CPNE8: variants seen among roughly 807,000 people sequenced by gnomAD.
CPNE8 encodes copine 8.
In CPNE8, 45 loss-of-function variants were observed where a neutral mutation model predicts 81.5. That is an observed-to-expected ratio of 0.55 (90% CI 0.44 to 0.71). The LOEUF (loss-of-function observed/expected upper bound fraction) is 0.71. Ranked by LOEUF, CPNE8 falls within the 30% of genes least tolerant of loss-of-function variation. The pLI is 0.00. For missense variants in CPNE8, 594 were observed against 672.1 expected (o/e 0.88, Z 1.28); for synonymous variants, 252 against 226.3 (o/e 1.11, Z -1.02).
intron 6 of CPNE8, among the ~76,000 whole-genome samples, chr12:38,780,132 A>G (rs542805820): frequency 6.6e-6 from 1 of 152,134 alleles, no homozygotes; most frequent in Admixed American, 6.5e-5. Context: ...TTGCATGTGG[A>G]AGTCTAGTTT....
rs1944039253 is a variant in CPNE8 at position 38,874,463 on chromosome 12, A to G, written c.139+8T>C. ...TGATTTTTCAAAAGGCAAGCAATAC[A>G]TACTTACTTGGATCAGATTTAGAAA... On this transcript the variant is annotated splice_region_variant and intron_variant, in intron 2 of 19. Transcript: ENST00000331366. The G allele has an allele frequency of 6.3e-7, 1 of 1,597,214 alleles. No homozygotes were observed. Among genetic ancestry groups the G allele is most frequent in the South Asian group, 1.1e-5 (1 of 89,978 alleles).
Position 38,840,026 on chromosome 12 carries a change from A to G in CPNE8, c.291-71T>C, listed in dbSNP as rs955536780. The G allele has an allele frequency of 5.9e-6, 8 of 1,364,750 alleles. No individual in the cohort carries two copies. In the East Asian group the frequency reaches 7.3e-5, roughly 13 times the overall value. The allele number at this position is 1,364,750 out of a possible 1,614,324, so 84.5% of individuals were successfully genotyped here. A position where few individuals can be genotyped will look rare whatever the true frequency, so the allele number is the denominator to read the frequency against. On this transcript the variant is annotated intron_variant, in intron 4 of 19. Transcript: ENST00000331366. ...GCTAGAAAAAAAACCAGTATTTTCC[A>G]AAACACATAAATAATATAAAAATGA... is the stretch of plus-strand genomic sequence containing the variant.
chr12:38,673,255 G>C (rs948930322), intron 18 of CPNE8, among the ~76,000 whole-genome samples: 1 of 152,158 alleles, frequency 6.6e-6, no homozygotes, highest in Non-Finnish European at 1.5e-5. Flanking sequence ...GGAACTGTGA[G>C]TCAATTAGAC....
At chr12:38,875,550 G>A (rs1385099221) in intron 1 of CPNE8, among the ~76,000 whole-genome samples, 3 of 152,074 alleles carry the variant, frequency 2.0e-5, no homozygotes, top group African/African-American at 4.8e-5. Flanking sequence ...CTATTCATGT[G>A]CATTTATTTG....
chr12:38,760,765 A>C lies in CPNE8; in HGVS notation c.722+82T>G, dbSNP rs187264761. On this transcript the variant is annotated intron_variant, in intron 10 of 19. Transcript: ENST00000331366. ...AACAAATATGCCATCTAAAAATTAC[A>C]ATTTAAAAATGTGGTCATTTCAATG... is the stretch of plus-strand genomic sequence containing the variant. 1.5e-4 allele frequency: 156 copies of C among 1,075,420 alleles called. 2 individuals are homozygous for C. In the Admixed American group the frequency reaches 3.1e-3, roughly 21 times the overall value. The allele number at this position is 1,075,420 out of a possible 1,614,324, so 66.6% of individuals were successfully genotyped here. A position where few individuals can be genotyped will look rare whatever the true frequency, so the allele number is the denominator to read the frequency against.
Position 38,677,565 on chromosome 12 carries a change from A to C in CPNE8, c.1272-11T>G, listed in dbSNP as rs745997300. ...ACAGAAGAAGCATATCTGAAAGGCA[A>C]CGAAAAGGTAAGGAAAGTAAAACAG... On this transcript the variant is annotated splice_polypyrimidine_tract_variant and intron_variant, in intron 16 of 19. Coordinates refer to ENST00000331366, the MANE Select transcript of CPNE8 (RefSeq NM_153634.3). 1 of 1,531,444 alleles carries C rather than the reference A, an allele frequency of 6.5e-7. No homozygotes were observed. The highest frequency in any genetic ancestry group is 9.0e-7 in the Non-Finnish European group (1 of 1,106,188). The allele number at this position is 1,531,444 out of a possible 1,614,324, so 94.9% of individuals were successfully genotyped here.
In CPNE8 at chr12:38,656,113, C is replaced by CA. The variant is rs920504418; in HGVS notation, c.1507-2044dup. Among the ~76,000 whole-genome samples the CA allele has an allele frequency of 4.3e-5, 6 of 139,404 alleles. No homozygotes were observed. In the East Asian group the frequency reaches 8.7e-4, roughly 20 times the overall value. The allele number at this position is 139,404 out of a possible 152,430, so 91.5% of individuals were successfully genotyped here. A position where few individuals can be genotyped will look rare whatever the true frequency, so the allele number is the denominator to read the frequency against. On this transcript the variant is annotated intron_variant, in intron 19 of 19. Coordinates refer to ENST00000331366, the MANE Select transcript of CPNE8 (RefSeq NM_153634.3). The stretch of plus-strand genomic sequence containing the variant: ...AAAAATCAAAGAGGTAAAAAAAAAA[C>CA]AAAAAACAAAAAAAACAAATTGAGG...
In CPNE8 at chr12:38,811,239, C is replaced by T. The variant is rs1485643233; in HGVS notation, c.407+18140G>A. 2.0e-5 allele frequency among the ~76,000 whole-genome samples: 3 copies of T among 151,492 alleles called. No homozygotes were observed. In the East Asian group the frequency reaches 5.8e-4, roughly 29 times the overall value. On this transcript the variant is annotated intron_variant, in intron 6 of 19. Transcript: ENST00000331366. ...TATATAAAAAAAAACCTAAAAACTA[C>T]TAAAAAAGCCTATCAACTTGATGTT...
intron 13 of CPNE8, chr12:38,721,353 C>T (rs1280385318): frequency 3.3e-5 from 5 of 152,888 alleles, no homozygotes; most frequent in African/African-American, 1.2e-4. Context: ...ACTCCAAGGC[C>T]TCCTATCTGG....
chr12:38,763,062 T>C (rs910466732), intron 8 of CPNE8, among the ~76,000 whole-genome samples: 1 of 152,198 alleles, frequency 6.6e-6, no homozygotes. Flanking sequence ...TTGCACCATC[T>C]TGGCCCAGCT....
intron 6 of CPNE8, among the ~76,000 whole-genome samples, chr12:38,825,157 A>G (rs925107976): frequency 2.0e-5 from 3 of 152,178 alleles, no homozygotes; most frequent in Non-Finnish European, 4.4e-5. Flanking sequence ...CTACTCTTAC[A>G]TATTCATGTG....
chr12:38,712,928 A>G (rs1369015481), intron 13 of CPNE8, among the ~76,000 whole-genome samples: 6 of 152,208 alleles, frequency 3.9e-5, no homozygotes, highest in Non-Finnish European at 7.3e-5. Flanking sequence ...TGACAACAAT[A>G]CGATGAGCTT....
At chr12:38,839,564 C>G (rs954428526) in intron 5 of CPNE8, among the ~76,000 whole-genome samples, 1 of 152,012 alleles carries the variant, frequency 6.6e-6, no homozygotes, top group Non-Finnish European at 1.5e-5. Flanking sequence ...TGCCTACACT[C>G]AGCTACTTCC....
At chr12:38,779,052 G>C (rs1565610704) in intron 6 of CPNE8, among the ~76,000 whole-genome samples, 1 of 152,052 alleles carries the variant, frequency 6.6e-6, no homozygotes, top group Non-Finnish European at 1.5e-5. Flanking sequence ...TTCTAATTCA[G>C]CTGTACCTTT....
In CPNE8 at chr12:38,685,492, T is replaced by C. The variant is rs1274231758; in HGVS notation, c.1269A>G (p.Ala423=). ...TNFAPVINHV[A]RYASSVKDGS... ...CACCTTGTCTACTCTCTACTTACCT[T>C]GCTACATGATTAATTACAGGAGCAA... Residue 423 remains alanine (A), a splice_region_variant and synonymous_variant, in exon 16 of 20, where the codon GCA becomes GCG. Coordinates refer to ENST00000331366, the MANE Select transcript of CPNE8 (RefSeq NM_153634.3). The C allele has an allele frequency of 1.2e-6, 2 of 1,612,980 alleles. No individual in the cohort carries two copies. Among genetic ancestry groups the C allele is most frequent in the Non-Finnish European group, 8.5e-7 (1 of 1,179,278 alleles).
chr12:38,904,456 G>A (rs1012779055), intron 1 of CPNE8, among the ~76,000 whole-genome samples: 5 of 147,332 alleles, frequency 3.4e-5, no homozygotes, highest in Admixed American at 7.0e-5. Context: ...AGGGTTGAAA[G>A]TCAGTTTTTT....
rs559668639 is a variant in CPNE8, at chr12:38,720,113, A to G, written c.914+3659T>C. The stretch of plus-strand genomic sequence containing the variant: ...GTTCTTATAAAAGCCTCAAGAAGCC[A>G]GGATTGGGGCAAACTGTACCCCATA... On this transcript the variant is annotated intron_variant, in intron 13 of 19. Coordinates refer to ENST00000331366, the MANE Select transcript of CPNE8 (RefSeq NM_153634.3). 3.3e-5 allele frequency among the ~76,000 whole-genome samples: 5 copies of G among 152,318 alleles called. No individual in the cohort carries two copies. The East Asian group carries it at 9.7e-4, about 29-fold the overall frequency.
At chr12:38,879,196 T>C (rs1304649104) in intron 1 of CPNE8, among the ~76,000 whole-genome samples, 1 of 152,138 alleles carries the variant, frequency 6.6e-6, no homozygotes, top group Non-Finnish European at 1.5e-5. Context: ...AGCCATAGTT[T>C]GCCCCATTTG....
chr12:38,897,669 TTA>T (rs1308774536), intron 1 of CPNE8, among the ~76,000 whole-genome samples: 2 of 150,180 alleles, frequency 1.3e-5, no homozygotes, highest in Admixed American at 6.7e-5. Flanking sequence ...GTATTATATA[TTA>T]TATGTGTGTA....
Sources: allele counts gnomAD v4.1 joint callset (sites outside exome capture counted in the v4.1 genomes callset), GRCh38; gene constraint gnomAD v4.1.1; transcripts MANE v1.5; gene names NCBI Gene and HGNC (gene_info 2026-07-23, HGNC 2026-07-21).